Variants in CFAP43 observed in about 807,000 individuals in gnomAD.
CFAP43 encodes the protein cilia and flagella associated protein 43.
A neutral mutation model predicts 218.9 loss-of-function variants in CFAP43; 155 were observed. The ratio of observed to expected loss-of-function variants is 0.71; its 90% CI spans 0.62 to 0.81. CFAP43 has a LOEUF of 0.81. Among genes scored for constraint, CFAP43 ranks in the 30% least tolerant of loss-of-function variants. The pLI is 0.00. For missense variants in CFAP43, 1,778 were observed against 1,954.3 expected, an observed-to-expected ratio of 0.91 and a Z score of 1.70; for synonymous variants, 645 against 681.3, an observed-to-expected ratio of 0.95 and a Z score of 0.83.
intron 35 of CFAP43, 83 bp from the exon 36 acceptor site, chr10:104,132,279 G>T (rs2087234345): frequency 4.8e-6 from 5 of 1,050,636 alleles, no homozygotes; most frequent in East Asian, 2.5e-5. Flanking sequence ...AGCTTTGAAA[G>T]TTACTGTTTT....
At position 104,164,105 on chromosome 10, in the gene CFAP43, G is replaced by A. The variant is rs1304973940; in HGVS notation, c.3235C>T (p.Gln1079Ter). 1 of 1,614,004 alleles carries A rather than the reference G, an allele frequency of 6.2e-7. No individual in the cohort carries two copies. Among genetic ancestry groups the A allele is most frequent in the African/African-American group, 1.3e-5 (1 of 74,912 alleles). Residue 1079 changes from glutamine (Q) to a stop codon, truncating the protein, a stop_gained, in exon 24 of 38, where the codon CAA becomes TAA. Transcript: ENST00000357060. LOFTEE classifies it high-confidence loss of function. Reference protein sequence around the residue: ...CEKPERTLVVQDEEITAHKHI... With the variant: ...CEKPERTLVV ...CAGCTAGCCAGTACCTCCTCATCTT[G>A]CACAACAAGCGTTCTCTCTGGCTTC...
chr10:104,201,426 CT>C (rs922635540), intron 8 of CFAP43, among the ~76,000 whole-genome samples: 25 of 151,094 alleles, frequency 1.7e-4, no homozygotes, highest in East Asian at 3.9e-4. Flanking sequence ...TTGGGTTAAA[CT>C]TTTTTTTTAC....
chr10:104,188,936 T>C (rs576266022), intron 12 of CFAP43, among the ~76,000 whole-genome samples: 18 of 152,248 alleles, frequency 1.2e-4, no homozygotes, highest in Admixed American at 5.9e-4. Flanking sequence ...CCAGATTCAC[T>C]CTCCCATTCT....
At position 104,147,036 on chromosome 10, in the gene CFAP43, G is replaced by A. The variant is rs118005751; in HGVS notation, c.3769-687C>T. ...TTTGAGTCTGCCAAAAGTAACTGAT[G>A]GTGGATGAGTCCCTTGCTGTGCCAA... On this transcript the variant is annotated intron_variant, in intron 29 of 37. Coordinates refer to ENST00000357060, the MANE Select transcript of CFAP43 (RefSeq NM_025145.7). Among the ~76,000 whole-genome samples the A allele has an allele frequency of 1.1e-4, 16 of 152,038 alleles. No individual in the cohort carries two copies. The East Asian group carries it at 3.1e-3, about 29-fold the overall frequency.
At chr10:104,189,983 T>C (rs886170596) in intron 12 of CFAP43, among the ~76,000 whole-genome samples, 7 of 151,954 alleles carry the variant, frequency 4.6e-5, no homozygotes, top group East Asian at 3.9e-4. Flanking sequence ...CTGGCTAACA[T>C]GGTGAAACCC....
chr10:104,203,114 C>A (rs950789592), intron 8 of CFAP43, among the ~76,000 whole-genome samples: 1 of 152,148 alleles, frequency 6.6e-6, no homozygotes, highest in African/African-American at 2.4e-5. Context: ...ATGCCCCAAT[C>A]TCAGTTCTCA....
intron 19 of CFAP43, among the ~76,000 whole-genome samples, chr10:104,173,386 C>T (rs1564753644): frequency 6.6e-6 from 1 of 152,168 alleles, no homozygotes; most frequent in Non-Finnish European, 1.5e-5. Context: ...GCCCTGAATG[C>T]CCTCAGCACA....
At chr10:104,221,129 C>T (rs2091168075) in intron 3 of CFAP43, among the ~76,000 whole-genome samples, 1 of 152,152 alleles carries the variant, frequency 6.6e-6, no homozygotes, top group Non-Finnish European at 1.5e-5. Context: ...GCACCCACCA[C>T]CACTCTGGCT....
intron 16 of CFAP43, 98 bp downstream of exon 16, chr10:104,184,918 T>C (rs2089981252): frequency 1.3e-6 from 2 of 1,507,552 alleles, no homozygotes; most frequent in Non-Finnish European, 1.8e-6. Context: ...CTGGCAGTGG[T>C]CTCCCAGCAC....
chr10:104,142,241 G>C, intron 33 of CFAP43, 40 bp downstream of exon 33: 1 of 1,560,096 alleles, frequency 6.4e-7, no homozygotes, highest in Non-Finnish European at 8.8e-7. Flanking sequence ...GCCCTAATTA[G>C]ACTTTGAATA....
At chr10:104,190,576 T>C (rs933057768) in intron 12 of CFAP43, among the ~76,000 whole-genome samples, 1 of 152,212 alleles carries the variant, frequency 6.6e-6, no homozygotes, top group Non-Finnish European at 1.5e-5. Context: ...AAGCTAAATA[T>C]GCCCAAATGA....
At chr10:104,211,854 A>C (rs763345771) in intron 5 of CFAP43, among the ~76,000 whole-genome samples, 153 bp downstream of exon 5, 15 of 152,174 alleles carry the variant, frequency 9.9e-5, no homozygotes, top group Non-Finnish European at 1.9e-4. Flanking sequence ...CAGAGTCTTC[A>C]TCTCTCACAG....
chr10:104,142,310 C>T lies in CFAP43; in HGVS notation c.4242G>A (p.Glu1414=). Residue 1414 remains glutamate (E), a synonymous_variant, in exon 33 of 38, where the codon GAG becomes GAA. Coordinates refer to ENST00000357060, the MANE Select transcript of CFAP43 (RefSeq NM_025145.7). ...TGAGTTCATGGAACACTCTCTCAAT[C>T]TCCTGTTGCACCTTCTCTTCCTCCT... ...RVEEEEKVQQ[E]IERVFHELIL... 1.2e-6 allele frequency: 2 copies of T among 1,613,574 alleles called. No individual in the cohort carries two copies. The highest frequency in any genetic ancestry group is 1.7e-6 in the Non-Finnish European group (2 of 1,179,784).
Position 104,187,379 on chromosome 10 carries a change from G to A in CFAP43, c.1801C>T (p.Gln601Ter). Residue 601 changes from glutamine to a stop codon, truncating the protein, a stop_gained, in exon 14 of 38, where the codon CAA becomes TAA. Transcript: ENST00000357060. LOFTEE classifies it high-confidence loss of function. ...ACTTGACTACAGAAGCCATATATTT[G>A]GTTACTTTGAAAGCCCAAGACTGCA... is the stretch of plus-strand genomic sequence containing the variant. ...SSAVLGFQSN[Q>*]IYGFCSQVPY... is the part of the protein sequence containing the mutation. The A allele has an allele frequency of 1.9e-6, 3 of 1,612,192 alleles. No homozygotes were observed. Among genetic ancestry groups the A allele is most frequent in the Non-Finnish European group, 2.5e-6 (3 of 1,179,472 alleles).
intron 5 of CFAP43, among the ~76,000 whole-genome samples, chr10:104,209,449 G>T (rs1249941362): frequency 6.6e-6 from 1 of 152,050 alleles, no homozygotes; most frequent in Non-Finnish European, 1.5e-5. Flanking sequence ...AAAACTGCAG[G>T]CGTACCCCTT....
intron 2 of CFAP43, among the ~76,000 whole-genome samples, chr10:104,230,168 A>T (rs2135020968): frequency 6.8e-6 from 1 of 146,490 alleles, no homozygotes. Flanking sequence ...AAAAATGTAT[A>T]TTAAAAAAAA....
chr10:104,168,731 T>C lies in CFAP43; in HGVS notation c.2691+13A>G, dbSNP rs1554871600. ...TTCTCATCAGGTTTTGTACCTAGGG[T>C]TCTATCTGTTACCTTAAGAGCTCGA... On this transcript the variant is annotated intron_variant, in intron 21 of 37. Coordinates refer to ENST00000357060, the MANE Select transcript of CFAP43 (RefSeq NM_025145.7). The C allele has an allele frequency of 6.9e-6, 11 of 1,600,278 alleles. No homozygotes were observed. In the South Asian group the frequency reaches 1.1e-4, roughly 16 times the overall value.
At chr10:104,228,666 T>A (rs2135017463) in intron 2 of CFAP43, among the ~76,000 whole-genome samples, 1 of 152,300 alleles carries the variant, frequency 6.6e-6, no homozygotes, top group African/African-American at 2.4e-5. Context: ...TATATTTAAA[T>A]ATTTTAAATC....
chr10:104,174,076 G>T (rs1039111776), intron 19 of CFAP43, among the ~76,000 whole-genome samples: 1 of 152,130 alleles, frequency 6.6e-6, no homozygotes, highest in Non-Finnish European at 1.5e-5. Context: ...AGATATGATA[G>T]TCTACCTAGA....
Sources: gnomAD v4.1 joint callset for allele counts (sites outside exome capture counted in the v4.1 genomes callset) on GRCh38, gnomAD v4.1.1 for gene constraint, MANE v1.5 for transcripts, NCBI Gene and HGNC (gene_info 2026-07-23, HGNC 2026-07-21) for gene names.